Variants in GRK5 observed in about 807,000 individuals in gnomAD.
GRK5 encodes G protein-coupled receptor kinase 5.
GRK5 carries 40 observed loss-of-function variants against 78.4 expected under a neutral mutation model. That is an observed-to-expected ratio of 0.51 (90% CI 0.40 to 0.66). GRK5 has a LOEUF of 0.66. GRK5 is among the 30% of genes least tolerant of loss of function. GRK5 has a pLI of 0.00. For missense variants in GRK5, 598 were observed against 759.9 expected (o/e 0.79, Z 2.50); for synonymous variants, 289 against 296.8 (o/e 0.97, Z 0.27).
At chr10:119,450,051 A>G (rs1025895809) in intron 13 of GRK5, among the ~76,000 whole-genome samples, 1 of 152,186 alleles carries the variant, frequency 6.6e-6, no homozygotes, top group Non-Finnish European at 1.5e-5. Context: ...GAAGTGCCAC[A>G]TGCAAGGAGT....
intron 6 of GRK5, among the ~76,000 whole-genome samples, chr10:119,426,977 G>A (rs62636335): frequency 3.8e-5 from 2 of 53,234 alleles, no homozygotes; most frequent in South Asian, 5.4e-4. Flanking sequence ...CAGCATCACC[G>A]CCATCAACAT....
chr10:119,344,872 C>CCTTCCTTCCTT lies in GRK5; in HGVS notation c.148+18262_148+18263insTTCCTTCCTTC, dbSNP rs1650149707. On this transcript the variant is annotated intron_variant, in intron 2 of 15. Coordinates refer to ENST00000392870, the MANE Select transcript of GRK5 (RefSeq NM_005308.3). ...CTTGGCCAGCCAGCCACAAGACCCACCCTTCCTTCCTTCCTTCCTTCCTTC... is the reference window on the plus strand; with the variant it reads ...CTTGGCCAGCCAGCCACAAGACCCACCTTCCTTCCTTCCTTCCTTCCTTCCTTCCTTCCTTC... 5.4e-5 allele frequency among the ~76,000 whole-genome samples: 4 copies of CCTTCCTTCCTT among 73,662 alleles called. No homozygotes were observed. The Admixed American group carries it at 5.9e-4, about 11-fold the overall frequency. 48.3% of individuals were successfully genotyped at this position (73,662 alleles called of 152,430 possible). A position where few individuals can be genotyped will look rare whatever the true frequency, so the allele number is the denominator to read the frequency against.
chr10:119,361,421 A>G (rs547957412), intron 2 of GRK5, among the ~76,000 whole-genome samples: 2 of 152,322 alleles, frequency 1.3e-5, no homozygotes, highest in African/African-American at 4.8e-5. Context: ...TCATTCATCC[A>G]TTCACTTCCG....
At chr10:119,334,525 A>C (rs1850841637) in intron 2 of GRK5, 1 of 152,226 alleles carries the variant, frequency 6.6e-6, no homozygotes, top group South Asian at 2.1e-4. Flanking sequence ...AGAGAGCCCA[A>C]ATCAAAGAAT....
intron 2 of GRK5, among the ~76,000 whole-genome samples, chr10:119,356,550 A>T (rs935753693): frequency 3.3e-5 from 5 of 152,120 alleles, no homozygotes; most frequent in Admixed American, 6.6e-5. Flanking sequence ...TATCTTCTTG[A>T]TGCCCAATAA....
At chr10:119,380,632 C>G (rs571854750) in intron 2 of GRK5, among the ~76,000 whole-genome samples, 183 bp from the exon 3 acceptor site, 1 of 152,298 alleles carries the variant, frequency 6.6e-6, no homozygotes, top group African/African-American at 2.4e-5. Context: ...ATCACTGGTG[C>G]CTTCTTCTAC....
At chr10:119,287,884 A>G (rs1297172928) in intron 1 of GRK5, among the ~76,000 whole-genome samples, 3 of 152,228 alleles carry the variant, frequency 2.0e-5, no homozygotes, top group Non-Finnish European at 4.4e-5. Flanking sequence ...CCAGGTAGAC[A>G]CAGCCAGGAA....
chr10:119,383,607 T>A (rs1642210024), intron 3 of GRK5, among the ~76,000 whole-genome samples: 1 of 152,256 alleles, frequency 6.6e-6, no homozygotes, highest in South Asian at 2.1e-4. Flanking sequence ...CCAGTAGCAG[T>A]AACTATTTTT....
At chr10:119,307,610 C>T (rs1052355005) in intron 1 of GRK5, among the ~76,000 whole-genome samples, 1 of 152,136 alleles carries the variant, frequency 6.6e-6, no homozygotes, top group South Asian at 2.1e-4. Flanking sequence ...ACTGCCCTGC[C>T]GACACCTGGA....
chr10:119,359,370 G>C (rs944062593), intron 2 of GRK5, among the ~76,000 whole-genome samples: 1 of 152,210 alleles, frequency 6.6e-6, no homozygotes, highest in Non-Finnish European at 1.5e-5. Flanking sequence ...TCTCTCCATG[G>C]TTATGGCAAG....
intron 1 of GRK5, among the ~76,000 whole-genome samples, chr10:119,295,735 A>AT (rs2133712954): frequency 6.6e-6 from 1 of 151,896 alleles, no homozygotes; most frequent in Non-Finnish European, 1.5e-5. Flanking sequence ...GTTCTCACTG[A>AT]TATGTGGGAG....
chr10:119,229,450 G>A (rs1848791117), intron 1 of GRK5, among the ~76,000 whole-genome samples: 1 of 152,202 alleles, frequency 6.6e-6, no homozygotes, highest in Non-Finnish European at 1.5e-5. Flanking sequence ...CTAGATTCCT[G>A]TTATCTCTGT....
Position 119,344,854 on chromosome 10 carries a change from A to G in GRK5, c.148+18243A>G, listed in dbSNP as rs1461800612. ...AGTCCCCTGCCCTCCTCCCTTGGCC[A>G]GCCAGCCACAAGACCCACCCTTCCT... On this transcript the variant is annotated intron_variant, in intron 2 of 15. Coordinates refer to ENST00000392870, the MANE Select transcript of GRK5 (RefSeq NM_005308.3). Among the ~76,000 whole-genome samples, 3 of 125,738 alleles carry G rather than the reference A, an allele frequency of 2.4e-5. No homozygotes were observed. In the South Asian group the frequency reaches 7.9e-4, roughly 33 times the overall value. The allele number at this position is 125,738 out of a possible 152,430, so 82.5% of individuals were successfully genotyped here.
At chr10:119,427,418 A>G (rs1413809513) in intron 6 of GRK5, among the ~76,000 whole-genome samples, 5 of 141,572 alleles carry the variant, frequency 3.5e-5, no homozygotes, top group Non-Finnish European at 6.1e-5. Context: ...CAGCGTCACC[A>G]CCATCAGCAG....
At chr10:119,283,152 C>T (rs948373572) in intron 1 of GRK5, among the ~76,000 whole-genome samples, 1 of 151,840 alleles carries the variant, frequency 6.6e-6, no homozygotes, top group Admixed American at 6.6e-5. Context: ...AACTGGTAAC[C>T]TTTGTCAGGA....
intron 1 of GRK5, among the ~76,000 whole-genome samples, chr10:119,310,028 G>C (rs769990611): frequency 6.6e-6 from 1 of 152,148 alleles, no homozygotes; most frequent in Non-Finnish European, 1.5e-5. Context: ...TAGTGTCTCC[G>C]TGGCGCAGGC....
At chr10:119,258,564 T>G (rs1175349222) in intron 1 of GRK5, among the ~76,000 whole-genome samples, 1 of 152,226 alleles carries the variant, frequency 6.6e-6, no homozygotes, top group African/African-American at 2.4e-5. Flanking sequence ...GAGCATTCAT[T>G]ATCTTTCATT....
intron 1 of GRK5, among the ~76,000 whole-genome samples, chr10:119,318,590 T>G (rs4752284): frequency 6.6e-6 from 1 of 151,926 alleles, no homozygotes; most frequent in Non-Finnish European, 1.5e-5. Context: ...CTGTGCCAGG[T>G]GATCACAGGG....
chr10:119,454,281 C>G (rs117082362), intron 15 of GRK5, among the ~76,000 whole-genome samples: 2,427 of 152,304 alleles, frequency 0.016, 31 homozygotes, highest in Non-Finnish European at 0.025. Flanking sequence ...GGGTTCAAAC[C>G]CAGCCCTGAG....
Sources: allele counts gnomAD v4.1 joint callset (sites outside exome capture counted in the v4.1 genomes callset), GRCh38; gene constraint gnomAD v4.1.1; transcripts MANE v1.5; gene names NCBI Gene and HGNC (gene_info 2026-07-23, HGNC 2026-07-21).